Variants in EVC observed in about 807,000 individuals in gnomAD.
EVC encodes the protein evC complex member EVC.
EVC carries 116 observed loss-of-function variants against 118.9 expected under a neutral mutation model. The ratio of observed to expected loss-of-function variants is 0.98; its 90% CI spans 0.84 to 1.14. EVC has a LOEUF of 1.14. Among genes scored for constraint, EVC ranks in the 50% most tolerant of loss-of-function variants. The probability of loss-of-function intolerance (pLI) is 0.00; values close to 1 mark genes in which losing one functional copy is unlikely to be tolerated. For synonymous variants in EVC, 619 were observed against 534.7 expected (o/e 1.16, Z -2.18); for missense variants, 1,401 against 1,246.4 (o/e 1.12, Z -1.87).
intron 11 of EVC, among the ~76,000 whole-genome samples, chr4:5,771,085 A>T (rs570336128): frequency 2.6e-5 from 4 of 152,142 alleles, no homozygotes; most frequent in Non-Finnish European, 4.4e-5. Flanking sequence ...CATATTAGGT[A>T]TTAGTTTTCT....
Position 5,748,199 on chromosome 4 carries a change from C to G in EVC, c.991C>G (p.Gln331Glu), listed in dbSNP as rs1327792447. The G allele has an allele frequency of 1.2e-6, 2 of 1,614,148 alleles. No individual in the cohort carries two copies. Among genetic ancestry groups the G allele is most frequent in the South Asian group, 2.2e-5 (2 of 91,080 alleles). The change falls in exon 8 of 21, where the codon CAG becomes GAG. Residue 331 changes from glutamine to glutamate, a missense_variant. By Grantham distance (29) the Gln-to-Glu change is conservative (BLOSUM62 2). Transcript: ENST00000264956. ...MANIQHFLVD[Q>E]FKCSSSKARQ... ...AAATATCCAGCACTTTCTTGTGGACCAGTTTAAGTGTTCCAGCTCCAAAGC... is the reference window on the plus strand; with the variant it reads ...AAATATCCAGCACTTTCTTGTGGACGAGTTTAAGTGTTCCAGCTCCAAAGC...
chr4:5,828,414 C>T, the EVC span: 1 of 1,553,316 alleles, frequency 6.4e-7, no homozygotes, highest in South Asian at 1.2e-5. Context: ...CTGCACACGT[C>T]AGATCTCGAT....
chr4:5,771,351 C>G (rs750186223), intron 11 of EVC, among the ~76,000 whole-genome samples: 27 of 152,156 alleles, frequency 1.8e-4, no homozygotes, highest in Non-Finnish European at 3.7e-4. Flanking sequence ...TCTGCTTCCA[C>G]CATTACATCT....
intron 11 of EVC, among the ~76,000 whole-genome samples, chr4:5,773,318 C>T (rs1418091292): frequency 6.6e-6 from 1 of 152,106 alleles, no homozygotes; most frequent in African/African-American, 2.4e-5. Context: ...GCTTGGCCAG[C>T]AGTTAGCTGA....
At chr4:5,814,626 C>T (rs1040223834), downstream of EVC, among the ~76,000 whole-genome samples, 1 of 152,174 alleles carries the variant, frequency 6.6e-6, no homozygotes, top group African/African-American at 2.4e-5. Flanking sequence ...GCTGAGCCCA[C>T]CCCTGCGGCC....
At chr4:5,821,181 C>T in the EVC span, 1 of 152,704 alleles carries the variant, frequency 6.5e-6, no homozygotes, top group Admixed American at 6.5e-5. The surrounding 1 kb of genome is among the most constrained non-coding windows in gnomAD (Gnocchi z 4.4). Flanking sequence ...CCCTGCCATT[C>T]CGAGAATTCA....
chr4:5,757,759 C>A (rs1466570426), intron 11 of EVC, among the ~76,000 whole-genome samples: 2 of 152,160 alleles, frequency 1.3e-5, no homozygotes, highest in Non-Finnish European at 2.9e-5. Context: ...ACCTTAATTA[C>A]CTCCTTAAAG....
Position 5,809,564 on chromosome 4 carries a change from T to A in EVC, c.2735T>A (p.Val912Glu), listed in dbSNP as rs1171049525. ...FISELAALAR[V>E]PLAESKLLPA... ...TCCGAGCTGGCAGCCTTGGCCCGAG[T>A]GCCCCTTGCTGAAAGCAAACTGTTG... The change falls in exon 19 of 21, where the codon GTG (valine) becomes GAG (glutamate). Residue 912 changes from valine to glutamate, a missense_variant. By Grantham distance (121) the Val-to-Glu change is moderately radical. Transcript: ENST00000264956. 1.3e-5 allele frequency: 21 copies of A among 1,614,054 alleles called. No individual in the cohort carries two copies. Among genetic ancestry groups the A allele is most frequent in the Non-Finnish European group, 1.7e-5 (20 of 1,180,036 alleles).
Position 5,789,180 on chromosome 4 carries a change from G to T in EVC, c.1777-4428G>T, listed in dbSNP as rs148557243. Among the ~76,000 whole-genome samples the T allele has an allele frequency of 1.3e-5, 2 of 152,094 alleles. No individual in the cohort carries two copies. Among genetic ancestry groups the T allele is most frequent in the Non-Finnish European group, 2.9e-5 (2 of 68,024 alleles). On this transcript the variant is annotated intron_variant, in intron 12 of 20. Transcript: ENST00000264956. The surrounding 1 kb of genome is among the most constrained non-coding windows in gnomAD (Gnocchi z 4.3). ...TTGATAGGGAACACTAAGTCACATC[G>T]TGTTGCTTCTCTGCAGAACCCCCAA... is the stretch of plus-strand genomic sequence containing the variant.
the EVC span, among the ~76,000 whole-genome samples, chr4:5,823,621 C>T: frequency 2.0e-5 from 3 of 152,140 alleles, no homozygotes; most frequent in African/African-American, 4.8e-5. Flanking sequence ...TATTAGCTCT[C>T]GGAAGAACTG....
intron 17 of EVC, among the ~76,000 whole-genome samples, chr4:5,805,182 G>T (rs557963145): frequency 1.1e-4 from 17 of 152,258 alleles, no homozygotes; most frequent in African/African-American, 3.6e-4. Context: ...ACGAGGATTT[G>T]GGGGCAGGTT....
rs1724573574 is a variant in EVC at position 5,719,438 on chromosome 4, G to T, written c.300+65G>T. ...GGGAGGTGGGGTATTCCCCCTGGAAGCCGGGTGTCATGTAGACAAGCCTCT... is the reference window on the plus strand; with the variant it reads ...GGGAGGTGGGGTATTCCCCCTGGAATCCGGGTGTCATGTAGACAAGCCTCT... On this transcript the variant is annotated intron_variant, in intron 2 of 20. Transcript: ENST00000264956. The surrounding 1 kb of genome is among the most constrained non-coding windows in gnomAD (Gnocchi z 4.7). 14 of 1,611,674 alleles carry T rather than the reference G, an allele frequency of 8.7e-6. No homozygotes were observed. Among genetic ancestry groups the T allele is most frequent in the Non-Finnish European group, 1.2e-5 (14 of 1,179,038 alleles).
chr4:5,712,280 T>A (rs113101617), intron 1 of EVC, among the ~76,000 whole-genome samples: 65 of 152,370 alleles, frequency 4.3e-4, no homozygotes, highest in African/African-American at 1.4e-3. Context: ...AGTTTGTCTC[T>A]GCTTTGCAGA....
intron 17 of EVC, among the ~76,000 whole-genome samples, chr4:5,805,893 T>TTC (rs1560441106): frequency 7.3e-6 from 1 of 137,074 alleles, no homozygotes; most frequent in Non-Finnish European, 1.5e-5. Flanking sequence ...TTTCTTTTCT[T>TTC]TTTTTTTTTT....
Position 5,731,053 on chromosome 4 carries a change from G to A in EVC, c.385-372G>A, listed in dbSNP as rs982473370. On this transcript the variant is annotated intron_variant, in intron 3 of 20. Transcript: ENST00000264956. This position sits in a 1 kb window ranked among gnomAD's most constrained non-coding sequence, Gnocchi z 5.6. ...AGGATTCGTGGAGGGAGCAGGCCAGGGGGTCAGCAGCAAGGAGAGAACTGG... is the reference window on the plus strand; with the variant it reads ...AGGATTCGTGGAGGGAGCAGGCCAGAGGGTCAGCAGCAAGGAGAGAACTGG... Among the ~76,000 whole-genome samples the A allele has an allele frequency of 6.6e-6, 1 of 152,034 alleles. No homozygotes were observed. The highest frequency in any genetic ancestry group is 1.5e-5 in the Non-Finnish European group (1 of 67,986).
chr4:5,784,380 C>G (rs1736103647), intron 12 of EVC, among the ~76,000 whole-genome samples: 1 of 152,018 alleles, frequency 6.6e-6, no homozygotes, highest in African/African-American at 2.4e-5. Context: ...GGCTGTGAGT[C>G]TAGGAACTCT....
chr4:5,721,543 G>A (rs1003752018), intron 2 of EVC, among the ~76,000 whole-genome samples: 2 of 114,974 alleles, frequency 1.7e-5, no homozygotes, highest in African/African-American at 5.4e-5. Context: ...AAGAGGACAG[G>A]GTTTCTCTTT....
chr4:5,711,316 C>T lies in EVC; in HGVS notation c.-65C>T, dbSNP rs1281322844. 1.0e-6 allele frequency: 1 copy of T among 991,878 alleles called. No homozygotes were observed. The allele number at this position is 991,878 out of a possible 1,614,324, so 61.4% of individuals were successfully genotyped here. On this transcript the variant is annotated 5_prime_UTR_variant, in exon 1 of 21. Coordinates refer to ENST00000264956, the MANE Select transcript of EVC (RefSeq NM_153717.3). Reference sequence around the variant, plus strand: ...CGCCCGGGCTCCAAGTCCCGCGTCGCCGCCCTGGCGGGGACGGTGCAGCAG... The same window carrying T: ...CGCCCGGGCTCCAAGTCCCGCGTCGTCGCCCTGGCGGGGACGGTGCAGCAG...
intron 1 of EVC, among the ~76,000 whole-genome samples, chr4:5,715,739 T>TCC (rs57525631): frequency 1.8e-5 from 2 of 108,294 alleles, no homozygotes; most frequent in African/African-American, 7.8e-5. Flanking sequence ...TTTTCCATTG[T>TCC]CTTTTTTTTT....
Sources: allele counts gnomAD v4.1 joint callset (sites outside exome capture counted in the v4.1 genomes callset), GRCh38; gene constraint gnomAD v4.1.1; non-coding constraint Gnocchi (gnomAD v3.1); transcripts MANE v1.5; gene names NCBI Gene and HGNC (gene_info 2026-07-23, HGNC 2026-07-21).